Variants in DNA2 observed in about 807,000 individuals in gnomAD.
DNA2 encodes DNA replication helicase/nuclease 2, also known as DNA replication ATP-dependent helicase/nuclease DNA2.
DNA2 carries 101 observed loss-of-function variants against 119.1 expected under a neutral mutation model. That is an observed-to-expected ratio of 0.85 (90% CI 0.72 to 1.00). The LOEUF is 1.00. Among genes scored for constraint, DNA2 ranks in the 50% least tolerant of loss-of-function variants. The pLI, the probability that DNA2 is intolerant of heterozygous loss-of-function variation, is 0.00. For synonymous variants in DNA2, 366 were observed against 424.4 expected (o/e 0.86, Z 1.69); for missense variants, 1,121 against 1,255.5 (o/e 0.89, Z 1.62).
rs747976776 is a variant in DNA2, at chr10:68,444,876, G to A, written c.1220+45C>T. 6 of 1,518,920 alleles carry A rather than the reference G, an allele frequency of 4.0e-6. No individual in the cohort carries two copies. In the South Asian group the frequency reaches 6.9e-5, roughly 17 times the overall value. The allele number at this position is 1,518,920 out of a possible 1,614,324, so 94.1% of individuals were successfully genotyped here. On this transcript the variant is annotated intron_variant, in intron 8 of 20. Transcript: ENST00000358410. ...ACCAGTGTTAAACGTATTTAGTTGA[G>A]TTCATACTCAACTAGAAATAATGCC...
At chr10:68,439,895 C>T (rs1280644183) in intron 9 of DNA2, among the ~76,000 whole-genome samples, 2 of 151,724 alleles carry the variant, frequency 1.3e-5, no homozygotes, top group African/African-American at 4.8e-5. Context: ...GTCCCAGCTA[C>T]TCAGGAGGCT....
In DNA2 at chr10:68,450,377, G is replaced by A. The variant is rs2052103189; in HGVS notation, c.720-130C>T. 2.8e-5 allele frequency: 20 copies of A among 724,280 alleles called. No individual in the cohort carries two copies. In the South Asian group the frequency reaches 3.6e-4, roughly 13 times the overall value. The allele number at this position is 724,280 out of a possible 1,614,324, so 44.9% of individuals were successfully genotyped here. A position where few individuals can be genotyped will look rare whatever the true frequency, so the allele number is the denominator to read the frequency against. ...AGAGTCTACCTACCTTTACAGCAGT[G>A]ATTTTCAAACTTGGTCCCTGGACCA... On this transcript the variant is annotated intron_variant, in intron 5 of 20. Transcript: ENST00000358410.
rs1034907435 is a variant in DNA2, at chr10:68,429,732, G to GA, written c.2208+703dup. On this transcript the variant is annotated intron_variant, in intron 14 of 20. Transcript: ENST00000358410. ...ATCTCAAAAAAAAAAAAAAAAAAAAGAAAAAAAAATCTGTTAAGAACTCCC... is the reference window on the plus strand; with the variant it reads ...ATCTCAAAAAAAAAAAAAAAAAAAAGAAAAAAAAAATCTGTTAAGAACTCCC... 9.0e-5 allele frequency among the ~76,000 whole-genome samples: 9 copies of GA among 99,812 alleles called. No homozygotes were observed. In the East Asian group the frequency reaches 1.5e-3, roughly 16 times the overall value. 65.5% of individuals were successfully genotyped at this position (99,812 alleles called of 152,430 possible).
intron 14 of DNA2, among the ~76,000 whole-genome samples, chr10:68,425,182 C>T (rs910866713): frequency 1.3e-5 from 2 of 150,300 alleles, no homozygotes; most frequent in African/African-American, 4.9e-5. Context: ...GCAACCTCCG[C>T]CTCCCAGGTT....
chr10:68,469,390 CAAAA>C (rs71019005), intron 2 of DNA2, among the ~76,000 whole-genome samples: 1 of 76,040 alleles, frequency 1.3e-5, no homozygotes, highest in South Asian at 4.1e-4. Context: ...ACTAAAAATA[CAAAA>C]AAAAAAAAAA....
intron 14 of DNA2, among the ~76,000 whole-genome samples, chr10:68,425,853 G>A (rs1185368868): frequency 2.0e-5 from 3 of 151,436 alleles, no homozygotes; most frequent in Non-Finnish European, 4.4e-5. Flanking sequence ...ACAAATACCA[G>A]GCCAGGCGCT....
At chr10:68,418,997 G>GC in intron 19 of DNA2, 37 bp downstream of exon 19, 2 of 1,538,626 alleles carry the variant, frequency 1.3e-6, no homozygotes, top group Non-Finnish European at 1.8e-6. Context: ...AGAGAGAAAT[G>GC]CCCCAAATGA....
At chr10:68,464,737 C>G (rs1590076012) in intron 4 of DNA2, among the ~76,000 whole-genome samples, 1 of 139,258 alleles carries the variant, frequency 7.2e-6, no homozygotes, top group South Asian at 2.4e-4. Context: ...GCTGAGGCAG[C>G]AGAATTGCTT....
chr10:68,425,685 GAC>G (rs1343113876), intron 14 of DNA2, among the ~76,000 whole-genome samples: 1 of 151,912 alleles, frequency 6.6e-6, no homozygotes, highest in Non-Finnish European at 1.5e-5. Context: ...ACAGGCGTGA[GAC>G]ACCGCGCCCG....
chr10:68,455,863 ACT>A (rs2052176414), intron 5 of DNA2, among the ~76,000 whole-genome samples: 1 of 151,702 alleles, frequency 6.6e-6, no homozygotes, highest in South Asian at 2.1e-4. Context: ...AAAAAACTCA[ACT>A]CTAACAGCAA....
chr10:68,424,176 TAGAA>T (rs1223346524), intron 14 of DNA2, among the ~76,000 whole-genome samples: 7 of 151,882 alleles, frequency 4.6e-5, no homozygotes, highest in African/African-American at 1.5e-4. Context: ...AAATAGAAGA[TAGAA>T]AGAATAAAAT....
chr10:68,427,998 A>C (rs2051765439), intron 14 of DNA2, among the ~76,000 whole-genome samples: 1 of 149,006 alleles, frequency 6.7e-6, no homozygotes, highest in African/African-American at 2.5e-5. Context: ...GCACCACTGC[A>C]CTCCAGCCTG....
At chr10:68,445,987 G>A (rs1317517244) in intron 7 of DNA2, among the ~76,000 whole-genome samples, 1 of 151,956 alleles carries the variant, frequency 6.6e-6, no homozygotes, top group Non-Finnish European at 1.5e-5. Context: ...AGCCAGGCAT[G>A]GTGGCACATG....
Position 68,416,798 on chromosome 10 carries a change from G to A in DNA2, c.3025C>T (p.His1009Tyr). 1.2e-6 allele frequency: 2 copies of A among 1,613,842 alleles called. No individual in the cohort carries two copies. Among genetic ancestry groups the A allele is most frequent in the Non-Finnish European group, 1.7e-6 (2 of 1,179,736 alleles). ...ACACACCCCAGAAGAATCAGTTTATGTTTGGCTCTGGTTATAGCAACATTA... is the reference window on the plus strand; with the variant it reads ...ACACACCCCAGAAGAATCAGTTTATATTTGGCTCTGGTTATAGCAACATTA... ...RLNVAITRAK[H>Y]KLILLGCVPS... The change falls in exon 20 of 21, where the codon CAT becomes TAT. Residue 1009 changes from histidine (H) to tyrosine (Y), a missense_variant. By Grantham distance (83) the His-to-Tyr change is moderately conservative. Transcript: ENST00000358410.
chr10:68,422,333 A>G lies in DNA2; in HGVS notation c.2589T>C (p.Phe863=). Residue 863 remains phenylalanine (F), a synonymous_variant, in exon 17 of 21, where the codon TTT becomes TTC. Transcript: ENST00000358410. ...VANAVINLRH[F]KDVKLELEFY... ...ATTCCAGTTCCAGCTTCACATCTTTAAAGTGACGTAGGTTTATCACTGCAT... is the reference window on the plus strand; with the variant it reads ...ATTCCAGTTCCAGCTTCACATCTTTGAAGTGACGTAGGTTTATCACTGCAT... The G allele has an allele frequency of 6.2e-7, 1 of 1,613,978 alleles. No homozygotes were observed. Among genetic ancestry groups the G allele is most frequent in the Admixed American group, 1.7e-5 (1 of 60,004 alleles).
At chr10:68,444,174 G>A (rs1447967792) in intron 8 of DNA2, among the ~76,000 whole-genome samples, 3 of 151,526 alleles carry the variant, frequency 2.0e-5, no homozygotes, top group South Asian at 2.1e-4. Flanking sequence ...GGCGGATCAC[G>A]AGGTCAAGAG....
intron 6 of DNA2, among the ~76,000 whole-genome samples, chr10:68,447,451 A>T (rs1050673991): frequency 7.3e-6 from 1 of 137,812 alleles, no homozygotes. Flanking sequence ...CGGGAGGTGG[A>T]GGTTGCACTG....
At chr10:68,451,679 ATAGAT>A (rs774198578) in intron 5 of DNA2, among the ~76,000 whole-genome samples, 1 of 152,148 alleles carries the variant, frequency 6.6e-6, no homozygotes, top group African/African-American at 2.4e-5. Context: ...AGTGGTTAGA[ATAGAT>A]TATTTAGTTG....
At chr10:68,469,712 G>GC (rs897597989) in intron 2 of DNA2, among the ~76,000 whole-genome samples, 1 of 152,056 alleles carries the variant, frequency 6.6e-6, no homozygotes, top group Non-Finnish European at 1.5e-5. Flanking sequence ...TGATCCGCCT[G>GC]CCTTGGCCTC....
Sources: allele counts gnomAD v4.1 joint callset (sites outside exome capture counted in the v4.1 genomes callset), GRCh38; gene constraint gnomAD v4.1.1; transcripts MANE v1.5; gene names NCBI Gene and HGNC (gene_info 2026-07-23, HGNC 2026-07-21).